The following UPF2 variants were observed in gnomAD, a reference collection of about 807,000 sequenced individuals.
UPF2 encodes the protein regulator of nonsense transcripts 2.
Under a neutral mutation model 141.4 loss-of-function variants are expected in UPF2, and 17 were observed. The observed-to-expected ratio is 0.12, with a 90% CI of 0.08 to 0.18. UPF2 has a LOEUF of 0.18. Among genes scored for constraint, UPF2 ranks in the 10% least tolerant of loss-of-function variants. UPF2 has a pLI of 1.00. For synonymous variants in UPF2, 540 were observed against 498.0 expected (o/e 1.08, Z -1.12); for missense variants, 1,152 against 1,515.9 (o/e 0.76, Z 3.99).
At chr10:11,961,149 G>T (rs374043124) in intron 11 of UPF2, among the ~76,000 whole-genome samples, 3 of 151,484 alleles carry the variant, frequency 2.0e-5, no homozygotes, top group African/African-American at 7.3e-5. Flanking sequence ...TGGCAGGTGC[G>T]GGAAACTCAC....
At chr10:11,943,500 A>G (rs1832962962) in intron 16 of UPF2, among the ~76,000 whole-genome samples, 1 of 152,224 alleles carries the variant, frequency 6.6e-6, no homozygotes, top group African/African-American at 2.4e-5. Flanking sequence ...AATGTCTCAC[A>G]GTAGTTCTTT....
In UPF2 at chr10:12,016,945, G is replaced by A. The variant is rs1834232183; in HGVS notation, c.1146-2761C>T. Among the ~76,000 whole-genome samples, 2 of 151,416 alleles carry A rather than the reference G, an allele frequency of 1.3e-5. No individual in the cohort carries two copies. The highest frequency in any genetic ancestry group is 2.4e-5 in the African/African-American group (1 of 41,284). On this transcript the variant is annotated intron_variant, in intron 3 of 21. Transcript: ENST00000357604. The surrounding 1 kb of genome is among the most constrained non-coding windows in gnomAD (Gnocchi z 4.1). Reference sequence around the variant, plus strand: ...TGAGGCAGGAGAATCATTTGAACTCGGAAGGCAGAGGTTGCAGTGAGCTGA... The same window carrying A: ...TGAGGCAGGAGAATCATTTGAACTCAGAAGGCAGAGGTTGCAGTGAGCTGA...
intron 3 of UPF2, among the ~76,000 whole-genome samples, chr10:12,021,827 A>G (rs962361653): frequency 6.6e-6 from 1 of 152,114 alleles, no homozygotes; most frequent in Non-Finnish European, 1.5e-5. Flanking sequence ...GTCCAATTTT[A>G]ATAAAAATTG....
intron 4 of UPF2, among the ~76,000 whole-genome samples, chr10:12,010,753 A>G (rs1834112799): frequency 6.6e-6 from 1 of 152,138 alleles, no homozygotes; most frequent in Non-Finnish European, 1.5e-5. Context: ...CCGAAGTACA[A>G]GAAACGAAGA....
intron 4 of UPF2, among the ~76,000 whole-genome samples, chr10:12,005,539 T>TTAATTC (rs1834021442): frequency 6.6e-6 from 1 of 152,180 alleles, no homozygotes; most frequent in Non-Finnish European, 1.5e-5. Flanking sequence ...AGGCTTAATT[T>TTAATTC]CCCCCTTGCT....
intron 8 of UPF2, among the ~76,000 whole-genome samples, chr10:11,993,122 CTTGGGTGACAG>C (rs1833806992): frequency 1.6e-5 from 2 of 128,466 alleles, no homozygotes; most frequent in South Asian, 5.2e-4. Context: ...TGCACTCCAG[CTTGGGTGACAG>C]AGTGAGGCTC....
intron 17 of UPF2, 123 bp from the exon 18 acceptor site, chr10:11,942,886 T>A (rs1414595718): frequency 4.3e-6 from 4 of 925,882 alleles, no homozygotes; most frequent in Non-Finnish European, 1.6e-6. Flanking sequence ...GTAAAATATC[T>A]AACATTATTC....
chr10:12,026,165 T>G (rs1564371236), intron 3 of UPF2, among the ~76,000 whole-genome samples: 1 of 152,180 alleles, frequency 6.6e-6, no homozygotes, highest in Non-Finnish European at 1.5e-5. Context: ...ACAAAAAGCA[T>G]CTAAATAAAG....
rs773034023 is a variant in UPF2, at chr10:11,934,629, G to A, written c.3546+1916C>T. Reference sequence around the variant, plus strand: ...TTTTGAGACGGAGTCTCGTTCTGTCGCCCAGGCTGGAGTACAATGGTGTGA... The same window carrying A: ...TTTTGAGACGGAGTCTCGTTCTGTCACCCAGGCTGGAGTACAATGGTGTGA... On this transcript the variant is annotated intron_variant, in intron 19 of 21. Transcript: ENST00000357604. Among the ~76,000 whole-genome samples the A allele has an allele frequency of 1.6e-4, 25 of 152,176 alleles. 1 individual carries two copies. Among genetic ancestry groups the A allele is most frequent in the Admixed American group, 6.5e-4 (10 of 15,294 alleles).
rs1834273692 is a variant in UPF2, at chr10:12,019,128, C to A, written c.1146-4944G>T. On this transcript the variant is annotated intron_variant, in intron 3 of 21. Transcript: ENST00000357604. This position sits in a 1 kb window ranked among gnomAD's most constrained non-coding sequence, Gnocchi z 4.5. ...CAATTACATAAAGCTGAATTTAAGC[C>A]ATTCTTTTGAGAATGTCATAAAGTA... Among the ~76,000 whole-genome samples the A allele has an allele frequency of 6.6e-6, 1 of 152,134 alleles. No homozygotes were observed. The highest frequency in any genetic ancestry group is 2.1e-4 in the South Asian group (1 of 4,824).
chr10:11,990,664 G>A (rs1326946541), intron 8 of UPF2, among the ~76,000 whole-genome samples: 8 of 115,798 alleles, frequency 6.9e-5, no homozygotes, highest in Admixed American at 1.0e-4. Context: ...TGGGTGAAGA[G>A]CAAGACTCTG....
chr10:11,945,922 T>C (rs889282487), intron 16 of UPF2, among the ~76,000 whole-genome samples: 6 of 152,174 alleles, frequency 3.9e-5, no homozygotes, highest in Non-Finnish European at 7.4e-5. Context: ...TGAGTCAACT[T>C]GAATTCTATT....
intron 4 of UPF2, 92 bp downstream of exon 4, chr10:12,013,931 CT>C: frequency 7.7e-7 from 1 of 1,290,454 alleles, no homozygotes; most frequent in Non-Finnish European, 1.0e-6. Context: ...ATTTTAAAAA[CT>C]TAAATTCTCA....
At chr10:12,009,059 T>A (rs1834085934) in intron 4 of UPF2, among the ~76,000 whole-genome samples, 1 of 152,206 alleles carries the variant, frequency 6.6e-6, no homozygotes, top group Non-Finnish European at 1.5e-5. Flanking sequence ...CCATGGTGTA[T>A]ATGTACCACA....
intron 20 of UPF2, among the ~76,000 whole-genome samples, chr10:11,930,996 G>A (rs1832776307): frequency 6.6e-6 from 1 of 152,192 alleles, no homozygotes; most frequent in African/African-American, 2.4e-5. Context: ...GACTCGATGT[G>A]TAAGGTTCCA....
chr10:12,001,814 A>G lies in UPF2; in HGVS notation c.1516T>C (p.Ser506Pro), dbSNP rs779402075. The change falls in exon 6 of 22, where the codon TCT becomes CCT. Residue 506 changes from serine (S) to proline (P), a missense_variant. This residue lies in a region of UPF2 where 739 missense variants were observed against 1,032.2 expected (regional missense o/e 0.72). Transcript: ENST00000357604. ...NKDDTKEAKE[S>P]KENKEVSSPD... ...CTTGATACCTCCTTATTCTCCTTAG[A>G]TTCTTTTGCCTCTGTTGAAAAACAA... 2.9e-5 allele frequency: 47 copies of G among 1,595,022 alleles called. No individual in the cohort carries two copies. The East Asian group carries it at 9.0e-4, about 31-fold the overall frequency.
chr10:11,967,265 AT>A (rs1833336182), intron 10 of UPF2, 75 bp downstream of exon 10: 1 of 850,262 alleles, frequency 1.2e-6, no homozygotes, highest in Non-Finnish European at 1.7e-6. Flanking sequence ...ATATTAAATT[AT>A]TTCACTTTAT....
At chr10:11,978,930 G>A (rs1360742761) in intron 9 of UPF2, 127 bp downstream of exon 9, 8 of 712,568 alleles carry the variant, frequency 1.1e-5, no homozygotes, top group African/African-American at 7.1e-5. Context: ...TTAGAATGCC[G>A]TAAATTCTAA....
chr10:12,004,446 A>G, intron 5 of UPF2, 84 bp downstream of exon 5: 4 of 1,082,630 alleles, frequency 3.7e-6, no homozygotes, highest in Non-Finnish European at 5.2e-6. Context: ...AGTAACTACA[A>G]TATATATATT....
Sources: gnomAD v4.1 joint callset for allele counts (sites outside exome capture counted in the v4.1 genomes callset) on GRCh38, gnomAD v4.1.1 for gene constraint, gnomAD v4.1.1 regional missense constraint, Gnocchi (gnomAD v3.1) non-coding constraint, MANE v1.5 for transcripts, NCBI Gene and HGNC (gene_info 2026-07-23, HGNC 2026-07-21) for gene names.